AGRN: variants seen among roughly 807,000 people sequenced by gnomAD.
AGRN encodes agrin, also known as agrin proteoglycan.
A neutral mutation model predicts 211.0 loss-of-function variants in AGRN; 106 were observed. That is an observed-to-expected ratio of 0.50 (90% CI 0.43 to 0.59). AGRN has a LOEUF of 0.59. Among genes scored for constraint, AGRN ranks in the 20% least tolerant of loss-of-function variants. The pLI, the probability that AGRN is intolerant of heterozygous loss-of-function variation, is 0.00. For synonymous variants in AGRN, 1,525 were observed against 1,332.5 expected, an observed-to-expected ratio of 1.14 and a Z score of -3.15; for missense variants, 3,040 against 2,982.6, an observed-to-expected ratio of 1.02 and a Z score of -0.45.
chr1:1,054,070 A>G (rs1645386223), intron 34 of AGRN, 93 bp downstream of exon 34: 3 of 1,377,254 alleles, frequency 2.2e-6, no homozygotes, highest in Admixed American at 2.0e-5. Flanking sequence ...ACCAGGGGTC[A>G]GGGAGGACAC....
intron 35 of AGRN, 31 bp from the exon 36 acceptor site, chr1:1,054,793 A>G (rs1458611870): frequency 6.5e-7 from 1 of 1,544,566 alleles, no homozygotes; most frequent in South Asian, 1.2e-5. Flanking sequence ...ACTGAGTCAC[A>G]GCCGGGTGAC....
At position 1,046,032 on chromosome 1, in the gene AGRN, G is replaced by T; in HGVS notation, c.2749G>T (p.Gly917Cys). ...CGGTGCGCGGTGCGTGGAGGAGTCT[G>T]GCTCAGCCCACTGTGTCTGCCCGAT... ...EFGARCVEES[G>C]SAHCVCPMLT... Residue 917 changes from glycine (G) to cysteine (C), a missense_variant, in exon 16 of 36, where the codon GGC becomes TGC. Gly to Cys is a radical substitution (Grantham distance 159). This residue lies in a region of AGRN where 1,498 missense variants were observed against 1,457.8 expected (regional missense o/e 1.03). Coordinates refer to ENST00000379370, the MANE Select transcript of AGRN (RefSeq NM_198576.4). 1 of 1,614,070 alleles carries T rather than the reference G, an allele frequency of 6.2e-7. No homozygotes were observed. Among genetic ancestry groups the T allele is most frequent in the African/African-American group, 1.3e-5 (1 of 75,068 alleles).
intron 3 of AGRN, 43 bp from the exon 4 acceptor site, chr1:1,040,622 C>T (rs1204203676): frequency 5.8e-6 from 9 of 1,541,128 alleles, no homozygotes; most frequent in South Asian, 1.2e-5. Context: ...GACGTGGGTA[C>T]GGGCGTCTCG....
At chr1:1,037,302 G>A (rs375786329) in intron 3 of AGRN, among the ~76,000 whole-genome samples, 16 of 152,298 alleles carry the variant, frequency 1.1e-4, no homozygotes, top group African/African-American at 3.9e-4. Flanking sequence ...CCAGAAGGCT[G>A]GGGAGTGTCT....
Position 1,046,233 on chromosome 1 carries a change from A to C in AGRN, c.2879A>C (p.Gln960Pro). Residue 960 changes from glutamine to proline, a missense_variant, in exon 17 of 36, where the codon CAA (glutamine) becomes CCA (proline). By Grantham distance (76) the Gln-to-Pro change is moderately conservative (BLOSUM62 -1). Around this residue, in one of 3 missense-constraint regions of AGRN, gnomAD observed 1,498 missense variants for 1,457.8 expected, o/e 1.03. Transcript: ENST00000379370. Reference sequence around the variant, plus strand: ...ACCATCGCCTGCCGCCAGGGCCTGCAAATCTCTATCCAGAGCCTGGGCCCG... The same window carrying C: ...ACCATCGCCTGCCGCCAGGGCCTGCCAATCTCTATCCAGAGCCTGGGCCCG... ...LKTIACRQGL[Q>P]ISIQSLGPCQ... 1.2e-6 allele frequency: 2 copies of C among 1,613,622 alleles called. No homozygotes were observed. The highest frequency in any genetic ancestry group is 1.7e-6 in the Non-Finnish European group (2 of 1,179,994).
Position 1,045,220 on chromosome 1 carries a change from G to A in AGRN, c.2314G>A (p.Gly772Ser), listed in dbSNP as rs1038647532. 1.2e-5 allele frequency: 19 copies of A among 1,612,404 alleles called. No individual in the cohort carries two copies. Among genetic ancestry groups the A allele is most frequent in the South Asian group, 6.6e-5 (6 of 91,060 alleles). Residue 772 changes from glycine to serine, a missense_variant, in exon 13 of 36, where the codon GGC becomes AGC. Coordinates refer to ENST00000379370, the MANE Select transcript of AGRN (RefSeq NM_198576.4). ...APLHCAQTPY[G>S]CCQDNITAAR... ...CTTACACTGTGCCCAGACGCCCTACGGCTGCTGCCAGGACAATATCACCGC... is the reference window on the plus strand; with the variant it reads ...CTTACACTGTGCCCAGACGCCCTACAGCTGCTGCCAGGACAATATCACCGC...
chr1:1,049,673 G>T lies in AGRN; in HGVS notation c.4622G>T (p.Arg1541Leu). ...GGCATTGGGCCGGGGGCTGCCACCC[G>T]AGGCTCTGGCGTGGGCGAGTGCGGG... ...ELGIGPGAAT[R>L]GSGVGECGDH... The change falls in exon 26 of 36, where the codon CGA becomes CTA. Residue 1541 changes from arginine (R) to leucine (L), a missense_variant. Arg to Leu is a moderately radical substitution (Grantham distance 102). Transcript: ENST00000379370. 3 of 1,576,614 alleles carry T rather than the reference G, an allele frequency of 1.9e-6. No homozygotes were observed. Among genetic ancestry groups the T allele is most frequent in the Non-Finnish European group, 2.6e-6 (3 of 1,162,322 alleles).
At chr1:1,021,061 G>A (rs1214835984) in intron 1 of AGRN, among the ~76,000 whole-genome samples, 2 of 152,134 alleles carry the variant, frequency 1.3e-5, no homozygotes, top group Non-Finnish European at 2.9e-5. Context: ...GTAGGGGCTC[G>A]GGGGACCCAG....
At chr1:1,023,620 C>T (rs1024803094) in intron 2 of AGRN, among the ~76,000 whole-genome samples, 1 of 152,156 alleles carries the variant, frequency 6.6e-6, no homozygotes, top group Non-Finnish European at 1.5e-5. Flanking sequence ...AGGAGAGGTT[C>T]CTGTCCCTGC....
At chr1:1,034,409 T>A (rs1305292075) in intron 2 of AGRN, 11 of 985,678 alleles carry the variant, frequency 1.1e-5, no homozygotes, top group Non-Finnish European at 1.3e-5. Context: ...CCCCCAGGGC[T>A]GTGACTGGGT....
rs546981001 is a variant in AGRN, at chr1:1,051,237, C to A, written c.5254-16C>A. The stretch of plus-strand genomic sequence containing the variant: ...TGGGTGGGCTCTGCACAGCCACTTA[C>A]CTGGCGTCCCCGCAGGTTCCGCACA... On this transcript the variant is annotated splice_polypyrimidine_tract_variant and intron_variant, in intron 30 of 35. Coordinates refer to ENST00000379370, the MANE Select transcript of AGRN (RefSeq NM_198576.4). 5.7e-6 allele frequency: 9 copies of A among 1,579,254 alleles called. No homozygotes were observed. In the African/African-American group the frequency reaches 1.1e-4, roughly 19 times the overall value.
At chr1:1,033,676 G>T (rs1644726889) in intron 2 of AGRN, among the ~76,000 whole-genome samples, 1 of 61,830 alleles carries the variant, frequency 1.6e-5, no homozygotes, top group Non-Finnish European at 3.1e-5. Flanking sequence ...CCCAGCTTCA[G>T]CCTCAGCGCC....
At position 1,045,162 on chromosome 1, in the gene AGRN, C is replaced by T; in HGVS notation, c.2256C>T (p.Gly752=). Residue 752 remains glycine, a splice_region_variant and synonymous_variant, in exon 13 of 36, where the codon GGC becomes GGT. Transcript: ENST00000379370. The part of the protein sequence containing the change: ...LYVAAQGACR[G]PTFAPLPPVA... ...TGAGTCCCGTACCCTTTCCTGCAGG[C>T]CCCACCTTCGCCCCGCTGCCGCCTG... 6.2e-7 allele frequency: 1 copy of T among 1,612,020 alleles called. No homozygotes were observed. The highest frequency in any genetic ancestry group is 8.5e-7 in the Non-Finnish European group (1 of 1,179,870).
At position 1,022,332 on chromosome 1, in the gene AGRN, C is replaced by G; in HGVS notation, c.333C>G (p.Asp111Glu). The change falls in exon 2 of 36, where the codon GAC becomes GAG. Residue 111 changes from aspartate to glutamate, a missense_variant. This residue lies in a region of AGRN where 1,498 missense variants were observed against 1,457.8 expected (regional missense o/e 1.03). Coordinates refer to ENST00000379370, the MANE Select transcript of AGRN (RefSeq NM_198576.4). ...LICDNQVSTGDTRIFFVNPAP... is the reference protein window; with the variant it reads ...LICDNQVSTGETRIFFVNPAP... ...GTGACAACCAGGTGTCCACTGGGGA[C>G]ACCAGGATCTTCTTTGTGAACCCTG... The G allele has an allele frequency of 1.2e-6, 2 of 1,613,418 alleles. No individual in the cohort carries two copies. Among genetic ancestry groups the G allele is most frequent in the Non-Finnish European group, 1.7e-6 (2 of 1,180,018 alleles).
rs763695025 is a variant in AGRN, at chr1:1,050,392, G to A, written c.4977-35G>A. The A allele has an allele frequency of 4.3e-6, 7 of 1,612,744 alleles. No individual in the cohort carries two copies. The South Asian group carries it at 6.6e-5, about 15-fold the overall frequency. On this transcript the variant is annotated intron_variant, in intron 28 of 35. Coordinates refer to ENST00000379370, the MANE Select transcript of AGRN (RefSeq NM_198576.4). ...ACCTCCGTCTCTCCTGTGGGGAGGG[G>A]ACAGCAAAGACACCCCGACTCCCCA...
intron 30 of AGRN, 33 bp from the exon 31 acceptor site, chr1:1,051,220 C>T: frequency 1.9e-6 from 3 of 1,569,428 alleles, no homozygotes; most frequent in Non-Finnish European, 2.6e-6. Flanking sequence ...CGTGGGTGGG[C>T]TCTGCACAGC....
At chr1:1,034,008 C>T in intron 2 of AGRN, 1 of 590,990 alleles carries the variant, frequency 1.7e-6, no homozygotes. Context: ...CCTCCCCAGC[C>T]CCGCGGGGAC....
chr1:1,051,746 C>G lies in AGRN; in HGVS notation c.5582C>G (p.Ala1861Gly). 6.2e-7 allele frequency: 1 copy of G among 1,613,858 alleles called. No homozygotes were observed. Among genetic ancestry groups the G allele is most frequent in the South Asian group, 1.1e-5 (1 of 91,088 alleles). Residue 1861 changes from alanine to glycine, a missense_variant, in exon 33 of 36, where the codon GCG becomes GGG. Coordinates refer to ENST00000379370, the MANE Select transcript of AGRN (RefSeq NM_198576.4). ...HCEKGLVEKSAGDVDTLAFDG... is the reference protein window; with the variant it reads ...HCEKGLVEKSGGDVDTLAFDG... ...CTCACAGGGCTGGTGGAGAAGTCAG[C>G]GGGGGACGTGGATACCTTGGCCTTT...
chr1:1,027,807 C>T (rs1448591611), intron 2 of AGRN, among the ~76,000 whole-genome samples: 1 of 152,152 alleles, frequency 6.6e-6, no homozygotes, highest in Non-Finnish European at 1.5e-5. Flanking sequence ...GGGGGTCTGT[C>T]GCTGGCCTGA....
Sources: gnomAD v4.1 joint callset for allele counts (sites outside exome capture counted in the v4.1 genomes callset) on GRCh38, gnomAD v4.1.1 for gene constraint, gnomAD v4.1.1 regional missense constraint, MANE v1.5 for transcripts, NCBI Gene and HGNC (gene_info 2026-07-23, HGNC 2026-07-21) for gene names.